Variants in CAMTA1 observed in about 807,000 individuals in gnomAD.
CAMTA1 encodes calmodulin-binding transcription activator 1.
Under a neutral mutation model 170.9 loss-of-function variants are expected in CAMTA1, and 27 were observed. That is an observed-to-expected ratio of 0.16 (90% CI 0.12 to 0.22). CAMTA1 has a LOEUF of 0.22. Among genes scored for constraint, CAMTA1 ranks in the 10% least tolerant of loss-of-function variants. The pLI is 1.00. For synonymous variants in CAMTA1, 833 were observed against 891.5 expected (o/e 0.93, Z 1.17); for missense variants, 1,619 against 2,217.2 (o/e 0.73, Z 5.42).
chr1:7,471,901 G>A (rs11120941), intron 6 of CAMTA1, among the ~76,000 whole-genome samples: 5 of 152,118 alleles, frequency 3.3e-5, no homozygotes, highest in African/African-American at 4.8e-5. Context: ...GCCTGCCCCC[G>A]CAGGGGACCA....
intron 5 of CAMTA1, among the ~76,000 whole-genome samples, chr1:7,298,320 C>A (rs1016492002): frequency 1.6e-4 from 2 of 12,754 alleles, no homozygotes; most frequent in Admixed American, 1.2e-3. Flanking sequence ...GATGCATGAT[C>A]CACCCCCCAC....
chr1:7,658,522 C>T (rs886952809), intron 7 of CAMTA1, among the ~76,000 whole-genome samples: 4 of 152,148 alleles, frequency 2.6e-5, no homozygotes, highest in East Asian at 1.9e-4. Context: ...GCCTGTGCAG[C>T]GGTACAGAGG....
At chr1:7,001,214 T>G (rs1698163622) in intron 3 of CAMTA1, among the ~76,000 whole-genome samples, 1 of 152,204 alleles carries the variant, frequency 6.6e-6, no homozygotes. Context: ...CACCATTTCA[T>G]AATCACCAAC....
At chr1:6,963,666 G>A (rs1240990382) in intron 3 of CAMTA1, among the ~76,000 whole-genome samples, 2 of 152,172 alleles carry the variant, frequency 1.3e-5, no homozygotes, top group African/African-American at 4.8e-5. Context: ...GCACCTGTCC[G>A]CTCTCCGACC....
At chr1:7,557,316 A>C (rs1217054698) in intron 6 of CAMTA1, among the ~76,000 whole-genome samples, 1 of 151,820 alleles carries the variant, frequency 6.6e-6, no homozygotes, top group East Asian at 1.9e-4. Context: ...CAGAAAAAAA[A>C]AAAAAAAGAT....
chr1:6,965,138 A>G lies in CAMTA1; in HGVS notation c.235-126166A>G, dbSNP rs1691293650. Among the ~76,000 whole-genome samples the G allele has an allele frequency of 6.6e-6, 1 of 152,162 alleles. No homozygotes were observed. The highest frequency in any genetic ancestry group is 6.5e-5 in the Admixed American group (1 of 15,282). Reference sequence around the variant, plus strand: ...GCGGAAGGGCTGTATTTCTGGTGAGATGTATTAATATGTGAAAGCCACTTC... The same window carrying G: ...GCGGAAGGGCTGTATTTCTGGTGAGGTGTATTAATATGTGAAAGCCACTTC... On this transcript the variant is annotated intron_variant, in intron 3 of 22. Coordinates refer to ENST00000303635, the MANE Select transcript of CAMTA1 (RefSeq NM_015215.4). The surrounding 1 kb of genome is among the most constrained non-coding windows in gnomAD (Gnocchi z 4.1).
chr1:7,378,796 G>C (rs1376887741), intron 5 of CAMTA1, among the ~76,000 whole-genome samples: 1 of 152,196 alleles, frequency 6.6e-6, no homozygotes, highest in Non-Finnish European at 1.5e-5. Flanking sequence ...CGAGTCAGAG[G>C]CCGCACTAAA....
At chr1:7,705,960 C>G (rs183031327) in intron 11 of CAMTA1, among the ~76,000 whole-genome samples, 1 of 152,156 alleles carries the variant, frequency 6.6e-6, no homozygotes, top group Non-Finnish European at 1.5e-5. Flanking sequence ...GATTGGGTTT[C>G]TAGGTATTGC....
intron 11 of CAMTA1, among the ~76,000 whole-genome samples, chr1:7,729,518 G>T (rs1171916353): frequency 6.6e-6 from 1 of 152,224 alleles, no homozygotes; most frequent in Non-Finnish European, 1.5e-5. Flanking sequence ...ACTGCTGACT[G>T]GGTATTGACT....
chr1:7,760,837 C>G (rs1332618599), intron 22 of CAMTA1, among the ~76,000 whole-genome samples: 1 of 152,196 alleles, frequency 6.6e-6, no homozygotes, highest in African/African-American at 2.4e-5. Flanking sequence ...TCCAGCATTG[C>G]GAGAATATTC....
At chr1:7,397,326 A>G (rs958238881) in intron 5 of CAMTA1, among the ~76,000 whole-genome samples, 1 of 151,678 alleles carries the variant, frequency 6.6e-6, no homozygotes, top group African/African-American at 2.4e-5. Context: ...CTGTGGTATC[A>G]CCTATAATGT....
intron 6 of CAMTA1, among the ~76,000 whole-genome samples, chr1:7,538,362 T>TA (rs60487773): frequency 4.3e-4 from 65 of 149,490 alleles, no homozygotes; most frequent in East Asian, 1.2e-3. Flanking sequence ...TTCTTTTCAT[T>TA]AAAAAAAAAA....
chr1:7,451,318 C>T (rs2092819417), intron 5 of CAMTA1, among the ~76,000 whole-genome samples: 1 of 152,136 alleles, frequency 6.6e-6, no homozygotes, highest in Non-Finnish European at 1.5e-5. Context: ...TCTGCAGCTG[C>T]CTGGATGGCC....
At chr1:7,184,707 A>C (rs1210011320) in intron 4 of CAMTA1, among the ~76,000 whole-genome samples, 1 of 152,188 alleles carries the variant, frequency 6.6e-6, no homozygotes, top group East Asian at 1.9e-4. Context: ...TTCTCTGAGT[A>C]TATCTGTTTA....
chr1:7,195,427 G>A lies in CAMTA1; in HGVS notation c.303-54064G>A, dbSNP rs1012431690. The stretch of plus-strand genomic sequence containing the variant: ...CTGAGCTTCCCTGGGCTTGGTGGCC[G>A]AGTGGAGTGAGGAGTGCAGACTCCC... On this transcript the variant is annotated intron_variant, in intron 4 of 22. Transcript: ENST00000303635. The surrounding 1 kb of genome is among the most constrained non-coding windows in gnomAD (Gnocchi z 4.1). 5.3e-5 allele frequency among the ~76,000 whole-genome samples: 8 copies of A among 152,182 alleles called. No homozygotes were observed. Among genetic ancestry groups the A allele is most frequent in the South Asian group, 2.1e-4 (1 of 4,830 alleles).
At chr1:7,647,770 C>G (rs999909286) in intron 7 of CAMTA1, among the ~76,000 whole-genome samples, 1 of 152,202 alleles carries the variant, frequency 6.6e-6, no homozygotes, top group African/African-American at 2.4e-5. Context: ...TCAGCCAGAG[C>G]CCATCGAGGA....
At chr1:7,747,298 AG>A (rs1465551480) in intron 18 of CAMTA1, among the ~76,000 whole-genome samples, 1 of 152,170 alleles carries the variant, frequency 6.6e-6, no homozygotes, top group Non-Finnish European at 1.5e-5. Flanking sequence ...TTTGGTGGGA[AG>A]GGGACCCATG....
chr1:7,112,351 A>G (rs1644111814), intron 4 of CAMTA1, among the ~76,000 whole-genome samples: 1 of 152,090 alleles, frequency 6.6e-6, no homozygotes. Context: ...CCATATTTCC[A>G]TTAGTTTTCC....
In CAMTA1 at chr1:7,007,803, C is replaced by T. The variant is rs1040465594; in HGVS notation, c.235-83501C>T. ...TCATCCACTCCTCCAGAAGAGAGGC[C>T]AGGGAGCATTCCATCAGCCCCACCT... On this transcript the variant is annotated intron_variant, in intron 3 of 22. Coordinates refer to ENST00000303635, the MANE Select transcript of CAMTA1 (RefSeq NM_015215.4). The surrounding 1 kb of genome is among the most constrained non-coding windows in gnomAD (Gnocchi z 4.5). Among the ~76,000 whole-genome samples the T allele has an allele frequency of 2.6e-4, 40 of 152,328 alleles. No individual in the cohort carries two copies. Among genetic ancestry groups the T allele is most frequent in the African/African-American group, 8.7e-4 (36 of 41,588 alleles).
Sources: gnomAD v4.1 joint callset for allele counts (sites outside exome capture counted in the v4.1 genomes callset) on GRCh38, gnomAD v4.1.1 for gene constraint, Gnocchi (gnomAD v3.1) non-coding constraint, MANE v1.5 for transcripts, NCBI Gene and HGNC (gene_info 2026-07-23, HGNC 2026-07-21) for gene names.